The following LRRTM3 variants were observed in gnomAD, a reference collection of about 807,000 sequenced individuals.
LRRTM3 encodes leucine rich repeat transmembrane neuronal 3.
In LRRTM3, 24 loss-of-function variants were observed where a neutral mutation model predicts 44.7. The ratio of observed to expected loss-of-function variants is 0.54; its 90% CI spans 0.39 to 0.76. The LOEUF (loss-of-function observed/expected upper bound fraction) is 0.76, where lower values mean the gene tolerates loss of function less well. Among genes scored for constraint, LRRTM3 ranks in the 30% least tolerant of loss-of-function variants. The pLI, the probability that LRRTM3 is intolerant of heterozygous loss-of-function variation, is 0.00. For missense variants in LRRTM3, 587 were observed against 702.2 expected, an observed-to-expected ratio of 0.84 and a Z score of 1.85; for synonymous variants, 277 against 278.7, an observed-to-expected ratio of 0.99 and a Z score of 0.06.
chr10:67,028,185 A>G (rs1000335005), intron 2 of LRRTM3, among the ~76,000 whole-genome samples: 9 of 151,518 alleles, frequency 5.9e-5, no homozygotes, highest in Non-Finnish European at 2.9e-5. Flanking sequence ...TTTTCTTTTC[A>G]CTGGAGTTTC....
chr10:67,094,065 G>A (rs938015949), intron 2 of LRRTM3, among the ~76,000 whole-genome samples: 5 of 151,858 alleles, frequency 3.3e-5, no homozygotes, highest in Non-Finnish European at 5.9e-5. Flanking sequence ...ACCCTAAGCT[G>A]AGAAAGTAAT....
intron 2 of LRRTM3, among the ~76,000 whole-genome samples, chr10:66,967,062 G>T (rs1589511020): frequency 6.6e-6 from 1 of 152,082 alleles, no homozygotes; most frequent in East Asian, 1.9e-4. Context: ...ATAGAACCTG[G>T]TACCACTATA....
Position 66,928,081 on chromosome 10 carries a change from C to T in LRRTM3, c.1165C>T (p.His389Tyr), listed in dbSNP as rs1395710008. 3 of 1,613,984 alleles carry T rather than the reference C, an allele frequency of 1.9e-6. No individual in the cohort carries two copies. The African/African-American group carries it at 4.0e-5, about 22-fold the overall frequency. Residue 389 changes from histidine to tyrosine, a missense_variant, in exon 2 of 3, where the codon CAT becomes TAT. By Grantham distance (83) the His-to-Tyr change is moderately conservative. Transcript: ENST00000361320. ...TFKPKLPRPK[H>Y]ESKPPLPPTV... ...TAAGCCCAAGCTCCCCAGGCCGAAGCATGAGAGCAAACCCCCTTTGCCCCC... is the reference window on the plus strand; with the variant it reads ...TAAGCCCAAGCTCCCCAGGCCGAAGTATGAGAGCAAACCCCCTTTGCCCCC...
At chr10:67,086,403 G>A (rs1365678878) in intron 2 of LRRTM3, among the ~76,000 whole-genome samples, 2 of 151,936 alleles carry the variant, frequency 1.3e-5, no homozygotes, top group African/African-American at 4.8e-5. Context: ...AATTAATTTA[G>A]TAATGAAGTT....
At chr10:67,080,600 T>C (rs1014707781) in intron 2 of LRRTM3, among the ~76,000 whole-genome samples, 2 of 152,126 alleles carry the variant, frequency 1.3e-5, no homozygotes, top group Non-Finnish European at 2.9e-5. Context: ...CATCATCTTA[T>C]AGATGTGCAT....
At chr10:66,967,270 C>G (rs939475627) in intron 2 of LRRTM3, among the ~76,000 whole-genome samples, 1 of 151,422 alleles carries the variant, frequency 6.6e-6, no homozygotes, top group Non-Finnish European at 1.5e-5. Context: ...TATATAAGCC[C>G]AGGTCATCTG....
chr10:66,961,076 T>C (rs751836313), intron 2 of LRRTM3, among the ~76,000 whole-genome samples: 5 of 152,218 alleles, frequency 3.3e-5, no homozygotes, highest in Non-Finnish European at 5.9e-5. Flanking sequence ...CAGTAATAGA[T>C]ATGCTAATTC....
rs572222545 is a variant in LRRTM3, at chr10:66,949,947, T to A, written c.1536+21495T>A. Among the ~76,000 whole-genome samples, 10 of 152,286 alleles carry A rather than the reference T, an allele frequency of 6.6e-5. No homozygotes were observed. In the South Asian group the frequency reaches 2.1e-3, roughly 32 times the overall value. ...AGCCAGACATTAAATAGAAAACTTG[T>A]CACTTCACAGCTCAGAAAGTTCTAA... On this transcript the variant is annotated intron_variant, in intron 2 of 2. Transcript: ENST00000361320.
intron 2 of LRRTM3, among the ~76,000 whole-genome samples, chr10:66,960,877 T>C (rs1193274283): frequency 6.6e-6 from 1 of 152,164 alleles, no homozygotes; most frequent in Non-Finnish European, 1.5e-5. Flanking sequence ...AAAGGATCTG[T>C]AGAAATCTTG....
intron 2 of LRRTM3, among the ~76,000 whole-genome samples, chr10:67,090,101 T>G (rs183959338): frequency 1.1e-4 from 17 of 152,228 alleles, no homozygotes; most frequent in Admixed American, 1.0e-3. Flanking sequence ...CACAGGGATC[T>G]AACTTTAAAA....
intron 2 of LRRTM3, among the ~76,000 whole-genome samples, chr10:66,979,934 C>G (rs1850313788): frequency 6.6e-6 from 1 of 152,160 alleles, no homozygotes; most frequent in East Asian, 1.9e-4. Flanking sequence ...TTACTTTCCT[C>G]AAGTACTGTT....
At chr10:67,042,158 T>C (rs1854433935) in intron 2 of LRRTM3, among the ~76,000 whole-genome samples, 1 of 152,152 alleles carries the variant, frequency 6.6e-6, no homozygotes, top group Non-Finnish European at 1.5e-5. Flanking sequence ...AAATGTGTTT[T>C]ATGTATACAT....
In LRRTM3 at chr10:67,060,596, C is replaced by T. The variant is rs1226840076; in HGVS notation, c.1537-36991C>T. ...GGGCACTAGTGGAAAGGATTTGTGT[C>T]ACTTCTGGGTTAAGGTAGCAAAAAT... is the stretch of plus-strand genomic sequence containing the variant. On this transcript the variant is annotated intron_variant, in intron 2 of 2. Coordinates refer to ENST00000361320, the MANE Select transcript of LRRTM3 (RefSeq NM_178011.5). Among the ~76,000 whole-genome samples, 7 of 152,154 alleles carry T rather than the reference C, an allele frequency of 4.6e-5. No individual in the cohort carries two copies. In the East Asian group the frequency reaches 1.4e-3, roughly 29 times the overall value.
intron 2 of LRRTM3, among the ~76,000 whole-genome samples, chr10:66,939,959 CT>C (rs373856650): frequency 1.2e-4 from 18 of 152,228 alleles, no homozygotes; most frequent in East Asian, 9.7e-4. Flanking sequence ...TTTTTTACCC[CT>C]ATACGCATCT....
intron 2 of LRRTM3, among the ~76,000 whole-genome samples, chr10:67,014,271 A>T (rs1331425808): frequency 6.6e-6 from 1 of 152,186 alleles, no homozygotes; most frequent in African/African-American, 2.4e-5. Flanking sequence ...TATAAAATTG[A>T]TGCAGCAGTG....
intron 2 of LRRTM3, among the ~76,000 whole-genome samples, chr10:66,978,180 G>T (rs1564808163): frequency 6.6e-6 from 1 of 151,914 alleles, no homozygotes; most frequent in Non-Finnish European, 1.5e-5. Flanking sequence ...AGTTATGCAA[G>T]ATGAATAAGT....
intron 2 of LRRTM3, among the ~76,000 whole-genome samples, chr10:67,040,535 A>G (rs1368272314): frequency 6.6e-6 from 1 of 151,406 alleles, no homozygotes; most frequent in Non-Finnish European, 1.5e-5. Context: ...TCTCTTACCC[A>G]CTCTCCCTTA....
chr10:66,934,939 T>C (rs568317324), intron 2 of LRRTM3, among the ~76,000 whole-genome samples: 1 of 152,140 alleles, frequency 6.6e-6, no homozygotes, highest in South Asian at 2.1e-4. Context: ...CTAAAGCTTA[T>C]TAATGAAGTG....
At chr10:67,034,052 G>T (rs892038814) in intron 2 of LRRTM3, among the ~76,000 whole-genome samples, 3 of 152,182 alleles carry the variant, frequency 2.0e-5, no homozygotes, top group Non-Finnish European at 4.4e-5. Context: ...GACTACAGGC[G>T]TGAGCCACCG....
Sources: allele counts gnomAD v4.1 joint callset (sites outside exome capture counted in the v4.1 genomes callset), GRCh38; gene constraint gnomAD v4.1.1; transcripts MANE v1.5; gene names NCBI Gene and HGNC (gene_info 2026-07-23, HGNC 2026-07-21).